SLC4A10: variants seen among roughly 807,000 people sequenced by gnomAD.
SLC4A10 encodes the protein sodium-driven chloride bicarbonate exchanger.
A neutral mutation model predicts 137.7 loss-of-function variants in SLC4A10; 42 were observed. That is an observed-to-expected ratio of 0.30 (90% confidence interval 0.24 to 0.39). SLC4A10 has a LOEUF of 0.39. Ranked by LOEUF, SLC4A10 falls within the 10% of genes least tolerant of loss-of-function variation. SLC4A10 has a pLI of 1.00. For missense variants in SLC4A10, 925 were observed against 1,355.0 expected, an observed-to-expected ratio of 0.68 and a Z score of 4.98; for synonymous variants, 474 against 464.1, an observed-to-expected ratio of 1.02 and a Z score of -0.27.
chr2:161,648,440 T>C (rs2036357349), intron 1 of SLC4A10, among the ~76,000 whole-genome samples: 1 of 152,222 alleles, frequency 6.6e-6, no homozygotes, highest in Non-Finnish European at 1.5e-5. Flanking sequence ...AACTTTGAAG[T>C]GATTACTGTG....
chr2:161,693,010 A>G (rs1164835590), intron 1 of SLC4A10, among the ~76,000 whole-genome samples: 2 of 152,094 alleles, frequency 1.3e-5, no homozygotes, highest in Admixed American at 6.6e-5. Context: ...AACAATAAAC[A>G]GTGTTTCACG....
intron 1 of SLC4A10, among the ~76,000 whole-genome samples, chr2:161,744,411 T>G (rs913747080): frequency 1.3e-5 from 2 of 152,198 alleles, no homozygotes; most frequent in Non-Finnish European, 2.9e-5. Flanking sequence ...TCCTTCTCTT[T>G]GTTGATATGT....
intron 1 of SLC4A10, among the ~76,000 whole-genome samples, chr2:161,669,965 CTG>C (rs1050813641): frequency 6.6e-6 from 1 of 152,040 alleles, no homozygotes; most frequent in Non-Finnish European, 1.5e-5. Flanking sequence ...TGTTGTTAAA[CTG>C]TTAAAATCAT....
At chr2:161,772,497 AC>A (rs1352395529) in intron 2 of SLC4A10, among the ~76,000 whole-genome samples, 2 of 151,886 alleles carry the variant, frequency 1.3e-5, no homozygotes, top group Non-Finnish European at 2.9e-5. Flanking sequence ...TAATTGTTAT[AC>A]CTACATATAT....
intron 3 of SLC4A10, among the ~76,000 whole-genome samples, chr2:161,810,074 C>T (rs955179144): frequency 1.3e-5 from 2 of 151,922 alleles, no homozygotes; most frequent in African/African-American, 4.8e-5. Flanking sequence ...TTGTAGTTCT[C>T]CTTGTAGAAA....
chr2:161,821,234 T>C (rs191853922), intron 3 of SLC4A10, among the ~76,000 whole-genome samples: 15 of 152,360 alleles, frequency 9.8e-5, no homozygotes, highest in Admixed American at 4.6e-4. Context: ...CTCATAATGG[T>C]ATTTTTTTGA....
At chr2:161,902,052 T>A (rs1322671668) in intron 12 of SLC4A10, 3 of 456,458 alleles carry the variant, frequency 6.6e-6, no homozygotes, top group Non-Finnish European at 1.3e-5. Flanking sequence ...GTATCTTCGC[T>A]TCTCCAGAGT....
intron 15 of SLC4A10, among the ~76,000 whole-genome samples, chr2:161,939,787 G>A (rs1216996286): frequency 1.3e-5 from 2 of 151,900 alleles, no homozygotes; most frequent in East Asian, 1.9e-4. Flanking sequence ...ATTATAGAAT[G>A]TAAAAATATA....
intron 1 of SLC4A10, among the ~76,000 whole-genome samples, chr2:161,675,612 G>C (rs996256323): frequency 6.6e-6 from 1 of 151,930 alleles, no homozygotes; most frequent in East Asian, 1.9e-4. Flanking sequence ...TTTTACTCAT[G>C]CTGTAAAATA....
At chr2:161,771,898 G>A (rs2051661777) in intron 2 of SLC4A10, among the ~76,000 whole-genome samples, 1 of 151,802 alleles carries the variant, frequency 6.6e-6, no homozygotes, top group African/African-American at 2.4e-5. Flanking sequence ...CAAGTCATCA[G>A]AGAGAGCTCC....
intron 23 of SLC4A10, among the ~76,000 whole-genome samples, chr2:161,970,337 A>T (rs1379490845): frequency 5.3e-5 from 8 of 152,168 alleles, no homozygotes; most frequent in Non-Finnish European, 1.2e-4. Context: ...TGGCTCTTCT[A>T]TCCATTGGAA....
chr2:161,855,210 G>T, intron 5 of SLC4A10, 80 bp downstream of exon 5: 5 of 1,351,306 alleles, frequency 3.7e-6, no homozygotes, highest in Admixed American at 2.5e-5. Flanking sequence ...TTCAATATAC[G>T]TATGAACTTT....
chr2:161,854,084 A>C (rs1336788191), intron 4 of SLC4A10, among the ~76,000 whole-genome samples: 2 of 152,164 alleles, frequency 1.3e-5, no homozygotes, highest in Non-Finnish European at 2.9e-5. Flanking sequence ...AAAAATGACT[A>C]AGGAGAAAAG....
At chr2:161,677,766 A>G (rs1319354235) in intron 1 of SLC4A10, among the ~76,000 whole-genome samples, 1 of 152,208 alleles carries the variant, frequency 6.6e-6, no homozygotes, top group Non-Finnish European at 1.5e-5. Flanking sequence ...AAACTGGTAC[A>G]TAGAGAATTA....
At position 161,792,106 on chromosome 2, in the gene SLC4A10, A is replaced by T. The variant is rs532957392; in HGVS notation, c.131-12343A>T. On this transcript the variant is annotated intron_variant, in intron 2 of 26. Coordinates refer to ENST00000446997, the MANE Select transcript of SLC4A10 (RefSeq NM_001178015.2). ...GTTTCTACTTATCAAAGGCATAATA[A>T]CTCACTCACTATTTGGTATATTTGC... is the stretch of plus-strand genomic sequence containing the variant. 7.2e-5 allele frequency among the ~76,000 whole-genome samples: 11 copies of T among 152,134 alleles called. No homozygotes were observed. In the South Asian group the frequency reaches 2.3e-3, roughly 32 times the overall value.
chr2:161,888,153 T>C (rs1027561759), intron 10 of SLC4A10, among the ~76,000 whole-genome samples: 8 of 152,170 alleles, frequency 5.3e-5, no homozygotes, highest in African/African-American at 1.9e-4. Context: ...TTCTGTTCCA[T>C]TGGTCTAAAT....
intron 3 of SLC4A10, among the ~76,000 whole-genome samples, chr2:161,830,546 G>C (rs1462957284): frequency 6.8e-6 from 1 of 146,354 alleles, no homozygotes; most frequent in African/African-American, 2.5e-5. Flanking sequence ...TTTATTTTCT[G>C]TTTTTAAAAA....
intron 6 of SLC4A10, among the ~76,000 whole-genome samples, chr2:161,871,450 G>A (rs2061116585): frequency 6.6e-6 from 1 of 151,760 alleles, no homozygotes; most frequent in Non-Finnish European, 1.5e-5. Flanking sequence ...TGCTAACTAT[G>A]AACAAATTTC....
At chr2:161,883,475 C>A (rs1197634273) in intron 10 of SLC4A10, among the ~76,000 whole-genome samples, 2 of 152,038 alleles carry the variant, frequency 1.3e-5, no homozygotes, top group Admixed American at 6.6e-5. Context: ...AAAGCAAAAG[C>A]AAGAAGAAAA....
Sources: gnomAD v4.1 joint callset for allele counts (sites outside exome capture counted in the v4.1 genomes callset) on GRCh38, gnomAD v4.1.1 for gene constraint, MANE v1.5 for transcripts, NCBI Gene and HGNC (gene_info 2026-07-23, HGNC 2026-07-21) for gene names.